Variants in BMP2K observed in about 807,000 individuals in gnomAD.
BMP2K encodes the protein BMP2 inducible kinase, also known as BMP-2-inducible protein kinase.
In BMP2K, 74 loss-of-function variants were observed where a neutral mutation model predicts 116.0. That is an observed-to-expected ratio of 0.64 (90% CI 0.53 to 0.77). The LOEUF (loss-of-function observed/expected upper bound fraction) is 0.77. BMP2K is among the 30% of genes least tolerant of loss of function. The pLI, the probability that BMP2K is intolerant of heterozygous loss-of-function variation, is 0.00. For synonymous variants in BMP2K, 486 were observed against 502.5 expected (o/e 0.97, Z 0.44); for missense variants, 1,365 against 1,403.6 (o/e 0.97, Z 0.44).
At chr4:78,788,670 A>G (rs1727852586) in intron 1 of BMP2K, among the ~76,000 whole-genome samples, 1 of 151,508 alleles carries the variant, frequency 6.6e-6, no homozygotes, top group Admixed American at 6.6e-5. Context: ...TGCAGTGGGA[A>G]CTTTAGAAAT....
intron 1 of BMP2K, among the ~76,000 whole-genome samples, chr4:78,808,698 T>C (rs1728941443): frequency 6.6e-6 from 1 of 152,244 alleles, no homozygotes; most frequent in South Asian, 2.1e-4. Flanking sequence ...TCATTTCCCT[T>C]GTGATTGCTT....
rs764339937 is a variant in BMP2K, at chr4:78,845,044, T to TA, written c.668dup (p.Tyr224ValfsTer10). The TA allele has an allele frequency of 6.3e-7, 1 of 1,576,592 alleles. No individual in the cohort carries two copies. Among genetic ancestry groups the TA allele is most frequent in the Non-Finnish European group, 8.7e-7 (1 of 1,152,108 alleles). The stretch of plus-strand genomic sequence containing the variant: ...GAGTTAATGTAGTAGAAGAAGAAAT[T>TA]AAAAAGTAAGTATTTGTCTTTATTG... On this transcript the variant is annotated frameshift_variant, in exon 5 of 16. Coordinates refer to ENST00000502613, the MANE Select transcript of BMP2K (RefSeq NM_198892.2). LOFTEE classifies it high-confidence loss of function.
intron 1 of BMP2K, among the ~76,000 whole-genome samples, chr4:78,790,296 T>C (rs1727936738): frequency 6.6e-6 from 1 of 152,316 alleles, no homozygotes. Flanking sequence ...ATTGTTTGGG[T>C]ATAAAACTCA....
intron 3 of BMP2K, among the ~76,000 whole-genome samples, chr4:78,838,118 C>T (rs538450301): frequency 6.6e-6 from 1 of 152,330 alleles, no homozygotes; most frequent in African/African-American, 2.4e-5. Flanking sequence ...GAGCAAGTCA[C>T]ATCTTATGTG....
chr4:78,831,627 T>C (rs183859203), intron 2 of BMP2K, among the ~76,000 whole-genome samples: 1 of 152,350 alleles, frequency 6.6e-6, no homozygotes, highest in African/African-American at 2.4e-5. Flanking sequence ...TTTAATATCA[T>C]GCTCTAATGT....
chr4:78,794,438 C>G (rs1340429599), intron 1 of BMP2K, among the ~76,000 whole-genome samples: 1 of 152,094 alleles, frequency 6.6e-6, no homozygotes, highest in East Asian at 1.9e-4. Flanking sequence ...TAGAAACTGT[C>G]AGAATACAAT....
At position 78,872,618 on chromosome 4, in the gene BMP2K, C is replaced by T. The variant is rs796345890; in HGVS notation, c.1613C>T (p.Pro538Leu). The T allele has an allele frequency of 2.3e-5, 37 of 1,612,910 alleles. No homozygotes were observed. Among genetic ancestry groups the T allele is most frequent in the South Asian group, 1.5e-4 (14 of 90,994 alleles). Reference protein sequence around the residue: ...PSASQYPTMMPQYQQAFFQQQ... With the variant: ...PSASQYPTMMLQYQQAFFQQQ... ...TAATATCATTTCTTTTTTCAGATGC[C>T]GCAGTATCAGCAGGCTTTCTTTCAA... Residue 538 changes from proline (P) to leucine (L), a missense_variant, in exon 13 of 16, where the codon CCG becomes CTG. Transcript: ENST00000502613.
chr4:78,881,477 T>C (rs76696436), intron 14 of BMP2K, among the ~76,000 whole-genome samples: 4,349 of 152,112 alleles, frequency 0.029, 226 homozygotes, highest in African/African-American at 0.1. Flanking sequence ...TCTTTTAGGG[T>C]TCAAAAAAGG....
intron 1 of BMP2K, among the ~76,000 whole-genome samples, chr4:78,792,465 G>A (rs1728049778): frequency 1.3e-5 from 2 of 152,158 alleles, no homozygotes; most frequent in African/African-American, 2.4e-5. Context: ...TTTAGACTTG[G>A]ATATTTGGCA....
At chr4:78,786,990 G>A (rs1475708871) in intron 1 of BMP2K, among the ~76,000 whole-genome samples, 2 of 152,166 alleles carry the variant, frequency 1.3e-5, no homozygotes, top group Non-Finnish European at 2.9e-5. Flanking sequence ...CTGGCCTCAA[G>A]TGGTCCTCCT....
chr4:78,800,706 T>C (rs1728525903), intron 1 of BMP2K, among the ~76,000 whole-genome samples: 2 of 152,198 alleles, frequency 1.3e-5, no homozygotes, highest in Admixed American at 1.3e-4. Context: ...GAGATAGAGC[T>C]CTTTTTAATA....
chr4:78,830,086 A>G (rs1161759409), intron 2 of BMP2K, among the ~76,000 whole-genome samples: 1 of 152,054 alleles, frequency 6.6e-6, no homozygotes, highest in African/African-American at 2.4e-5. Context: ...CATGTTGCCC[A>G]GGCTGGTCGT....
intron 13 of BMP2K, among the ~76,000 whole-genome samples, chr4:78,876,598 A>G (rs1321511309): frequency 3.3e-5 from 5 of 152,202 alleles, no homozygotes; most frequent in African/African-American, 1.2e-4. Flanking sequence ...TTTGGTGGCA[A>G]TGGCAATGAG....
At chr4:78,889,622 G>A (rs1290419991) in intron 15 of BMP2K, among the ~76,000 whole-genome samples, 1 of 152,104 alleles carries the variant, frequency 6.6e-6, no homozygotes, top group Non-Finnish European at 1.5e-5. Flanking sequence ...GGAAAAAGTT[G>A]GACAAAGGAG....
intron 1 of BMP2K, among the ~76,000 whole-genome samples, chr4:78,793,664 A>G (rs1247613408): frequency 2.0e-5 from 3 of 152,132 alleles, no homozygotes; most frequent in Non-Finnish European, 4.4e-5. Flanking sequence ...GCTAGTAGCC[A>G]CATGTGGCTA....
intron 1 of BMP2K, among the ~76,000 whole-genome samples, chr4:78,822,371 T>G (rs916805050): frequency 9.2e-5 from 14 of 152,142 alleles, no homozygotes; most frequent in Non-Finnish European, 5.9e-5. Flanking sequence ...AGGCTGAAAA[T>G]TACTGCTCTT....
At chr4:78,880,369 G>A (rs1008676193) in intron 14 of BMP2K, among the ~76,000 whole-genome samples, 16 of 152,210 alleles carry the variant, frequency 1.1e-4, no homozygotes, top group African/African-American at 3.6e-4. Flanking sequence ...ACCATGCCCA[G>A]CTCTTTCAGA....
chr4:78,853,372 T>C (rs1731349557), intron 7 of BMP2K, among the ~76,000 whole-genome samples: 1 of 152,188 alleles, frequency 6.6e-6, no homozygotes, highest in African/African-American at 2.4e-5. Context: ...CTTTTCTTCT[T>C]AAAAGTAGTG....
chr4:78,906,646 C>T (rs1219661147), intron 15 of BMP2K, among the ~76,000 whole-genome samples: 1 of 152,104 alleles, frequency 6.6e-6, no homozygotes, highest in African/African-American at 2.4e-5. Context: ...GATCTCAGCT[C>T]CTCTTGAATT....
Sources: gnomAD v4.1 joint callset for allele counts (sites outside exome capture counted in the v4.1 genomes callset) on GRCh38, gnomAD v4.1.1 for gene constraint, MANE v1.5 for transcripts, NCBI Gene and HGNC (gene_info 2026-07-23, HGNC 2026-07-21) for gene names.